Variants in SEC13 observed in about 807,000 individuals in gnomAD.
The protein encoded by SEC13 is protein SEC13 homolog.
SEC13 carries 25 observed loss-of-function variants against 49.2 expected under a neutral mutation model. The observed-to-expected ratio is 0.51, with a 90% CI of 0.37 to 0.71. The LOEUF (loss-of-function observed/expected upper bound fraction) is 0.71, where lower values mean the gene tolerates loss of function less well. Among genes scored for constraint, SEC13 ranks in the 30% least tolerant of loss-of-function variants. The pLI, the probability that SEC13 is intolerant of heterozygous loss-of-function variation, is 0.00. For synonymous variants in SEC13, 148 were observed against 163.9 expected (o/e 0.90, Z 0.74); for missense variants, 383 against 417.6 (o/e 0.92, Z 0.72).
At chr3:10,302,682 G>A (rs1574859709) in intron 8 of SEC13, among the ~76,000 whole-genome samples, 1 of 152,174 alleles carries the variant, frequency 6.6e-6, no homozygotes, top group Non-Finnish European at 1.5e-5. Context: ...GTAGATGAAA[G>A]GGACCCTCGG....
At position 10,321,025 on chromosome 3, in the gene SEC13, A is replaced by T; in HGVS notation, c.3+25T>A. 1 of 1,611,434 alleles carries T rather than the reference A, an allele frequency of 6.2e-7. No individual in the cohort carries two copies. Among genetic ancestry groups the T allele is most frequent in the Non-Finnish European group, 8.5e-7 (1 of 1,179,116 alleles). On this transcript the variant is annotated intron_variant, in intron 1 of 8. Transcript: ENST00000350697. This position sits in a 1 kb window ranked among gnomAD's most constrained non-coding sequence, Gnocchi z 4.1. ...CCGCGACCGTGGCCTTCACCCTGCT[A>T]GGCCTCCTCAGTACCAACACTCACC...
Position 10,305,422 on chromosome 3 carries a change from A to G in SEC13, c.584+137T>C, listed in dbSNP as rs890385364. On this transcript the variant is annotated intron_variant, in intron 6 of 8. Coordinates refer to ENST00000350697, the MANE Select transcript of SEC13 (RefSeq NM_183352.3). The stretch of plus-strand genomic sequence containing the variant: ...TTGTTTTTCAAGGATGTCCTCCAAC[A>G]GATTGAAAACAGTATTTTACTGGCA... 3.4e-6 allele frequency: 4 copies of G among 1,191,100 alleles called. No individual in the cohort carries two copies. In the African/African-American group the frequency reaches 4.6e-5, roughly 14 times the overall value. The allele number at this position is 1,191,100 out of a possible 1,614,324, so 73.8% of individuals were successfully genotyped here. A position where few individuals can be genotyped will look rare whatever the true frequency, so the allele number is the denominator to read the frequency against.
chr3:10,305,198 C>G (rs776421888), intron 6 of SEC13, 42 bp from the exon 7 acceptor site: 61 of 1,571,532 alleles, frequency 3.9e-5, no homozygotes, highest in Non-Finnish European at 5.2e-5. Context: ...GGGGCCGTTC[C>G]CACACCTCAA....
intron 8 of SEC13, chr3:10,303,586 T>A (rs79173261): frequency 3.9e-6 from 1 of 258,338 alleles, no homozygotes; most frequent in African/African-American, 2.2e-5. Flanking sequence ...CTTACCAGCA[T>A]AACAAGTATT....
intron 4 of SEC13, among the ~76,000 whole-genome samples, 186 bp from the exon 5 acceptor site, chr3:10,312,284 T>A (rs1701322686): frequency 6.6e-6 from 1 of 152,200 alleles, no homozygotes; most frequent in African/African-American, 2.4e-5. Context: ...CACGATTTCA[T>A]AACCTACAGT....
rs1409218987 is a variant in SEC13 at position 10,301,157 on chromosome 3, T to C, written c.*104A>G. 2.5e-6 allele frequency: 4 copies of C among 1,613,768 alleles called. No individual in the cohort carries two copies. Among genetic ancestry groups the C allele is most frequent in the Admixed American group, 1.7e-5 (1 of 59,994 alleles). On this transcript the variant is annotated 3_prime_UTR_variant, in exon 9 of 9. Transcript: ENST00000350697. The stretch of plus-strand genomic sequence containing the variant: ...GCATCTGTAACTCCTCCTGGGAAAA[T>C]AATCCTGTTGGAGTTGGGGGCTCTT...
At chr3:10,317,124 T>C (rs1243386701) in intron 2 of SEC13, among the ~76,000 whole-genome samples, 2 of 152,110 alleles carry the variant, frequency 1.3e-5, no homozygotes, top group East Asian at 3.8e-4. Context: ...TACGAGTAGG[T>C]AGCATATCCA....
intron 2 of SEC13, among the ~76,000 whole-genome samples, chr3:10,316,813 C>T (rs940146693): frequency 6.6e-6 from 1 of 151,886 alleles, no homozygotes; most frequent in African/African-American, 2.4e-5. Flanking sequence ...ACTAGCCTGA[C>T]CAACATGGAG....
At chr3:10,302,074 C>G (rs771406617) in intron 8 of SEC13, among the ~76,000 whole-genome samples, 19 of 152,004 alleles carry the variant, frequency 1.2e-4, no homozygotes, top group Non-Finnish European at 2.5e-4. Flanking sequence ...CCCATCTCAT[C>G]TCTACTAAAA....
rs1009584649 is a variant in SEC13, at chr3:10,314,822, A to T, written c.164+499T>A. The T allele has an allele frequency of 3.3e-5, 5 of 153,602 alleles. No homozygotes were observed. In the East Asian group the frequency reaches 5.8e-4, roughly 18 times the overall value. The allele number at this position is 153,602 out of a possible 1,614,324, so 9.5% of individuals were successfully genotyped here. On this transcript the variant is annotated intron_variant, in intron 3 of 8. Transcript: ENST00000350697. ...AGAACAATGGGATTTATAAAATGAT[A>T]GCATTCTTACATTATTCTTACGGTG...
chr3:10,320,500 C>A (rs187089481), intron 1 of SEC13: 28 of 985,480 alleles, frequency 2.8e-5, no homozygotes, highest in Non-Finnish European at 3.4e-5. Context: ...CCCGAGGTGC[C>A]CATCCTACCT....
intron 5 of SEC13, among the ~76,000 whole-genome samples, chr3:10,309,199 A>T (rs1415135384): frequency 1.3e-5 from 2 of 152,026 alleles, no homozygotes; most frequent in Non-Finnish European, 2.9e-5. Context: ...CAGCATCCCA[A>T]AGTGCTGGGA....
intron 7 of SEC13, among the ~76,000 whole-genome samples, chr3:10,304,731 G>C (rs1344731472): frequency 2.0e-5 from 3 of 152,114 alleles, no homozygotes; most frequent in Admixed American, 6.6e-5. Context: ...GGGAACACTT[G>C]GAACTGCACC....
intron 1 of SEC13, chr3:10,320,743 G>A (rs549497417): frequency 4.8e-6 from 6 of 1,238,690 alleles, no homozygotes; most frequent in Non-Finnish European, 6.1e-6. Flanking sequence ...CTGAGGGCTC[G>A]GTATACAGTA....
intron 3 of SEC13, 168 bp from the exon 4 acceptor site, chr3:10,312,898 G>A (rs2125272613): frequency 1.6e-6 from 1 of 626,644 alleles, no homozygotes; most frequent in African/African-American, 1.8e-5. Context: ...TGGACAGTGA[G>A]GAGCCTGAGG....
chr3:10,303,290 C>G (rs559126803), intron 8 of SEC13, among the ~76,000 whole-genome samples: 1 of 152,154 alleles, frequency 6.6e-6, no homozygotes, highest in Non-Finnish European at 1.5e-5. Context: ...TGCCTGAAAA[C>G]GCAGCACAGC....
At chr3:10,305,391 G>T in intron 6 of SEC13, 168 bp downstream of exon 6, 1 of 1,038,132 alleles carries the variant, frequency 9.6e-7, no homozygotes, top group Non-Finnish European at 1.4e-6. Flanking sequence ...GTGAACAGGT[G>T]TTGTGTTGTT....
chr3:10,313,798 C>T (rs917910931), intron 3 of SEC13: 1 of 172,212 alleles, frequency 5.8e-6, no homozygotes, highest in African/African-American at 2.3e-5. Flanking sequence ...AACATAACTG[C>T]CTTGGCCAAC....
rs1333752407 is a variant in SEC13, at chr3:10,315,359, C to T, written c.126G>A (p.Val42=). The change falls in exon 3 of 9, where the codon GTG becomes GTA. Residue 42 remains valine (V), a synonymous_variant. Transcript: ENST00000350697. ...CGATAAGGATCTGCCCTCCATTGCG[C>T]ACATCAAAGATTTTGACGGACCTGT... ...SSDRSVKIFD[V]RNGGQILIAD... is the part of the protein sequence containing the mutation. The T allele has an allele frequency of 6.2e-7, 1 of 1,613,902 alleles. No homozygotes were observed. Among genetic ancestry groups the T allele is most frequent in the Non-Finnish European group, 8.5e-7 (1 of 1,179,982 alleles).
Sources: allele counts gnomAD v4.1 joint callset (sites outside exome capture counted in the v4.1 genomes callset), GRCh38; gene constraint gnomAD v4.1.1; non-coding constraint Gnocchi (gnomAD v3.1); transcripts MANE v1.5; gene names NCBI Gene and HGNC (gene_info 2026-07-23, HGNC 2026-07-21).